The following FER variants were observed in gnomAD, a reference collection of about 807,000 sequenced individuals.
The protein encoded by FER is FER tyrosine kinase.
In FER, 63 loss-of-function variants were observed where a neutral mutation model predicts 111.0. That is an observed-to-expected ratio of 0.57 (90% CI 0.46 to 0.70). FER has a LOEUF of 0.70. FER is among the 30% of genes least tolerant of loss of function. The pLI is 0.00. For synonymous variants in FER, 327 were observed against 313.9 expected (o/e 1.04, Z -0.44); for missense variants, 914 against 954.0 (o/e 0.96, Z 0.55).
At chr5:108,837,224 A>T (rs1478452693) in intron 5 of FER, among the ~76,000 whole-genome samples, 1 of 152,172 alleles carries the variant, frequency 6.6e-6, no homozygotes, top group Non-Finnish European at 1.5e-5. Flanking sequence ...AGTGCTTTAG[A>T]TAACCAAGAA....
At chr5:109,018,416 A>G (rs1236577275) in intron 13 of FER, among the ~76,000 whole-genome samples, 1 of 151,876 alleles carries the variant, frequency 6.6e-6, no homozygotes, top group Admixed American at 6.6e-5. Context: ...TTGGGACTAC[A>G]CATGTAGAGA....
At chr5:109,113,388 A>C (rs1749857975) in intron 17 of FER, among the ~76,000 whole-genome samples, 1 of 152,274 alleles carries the variant, frequency 6.6e-6, no homozygotes, top group Admixed American at 6.5e-5. Context: ...CTAATTTTTT[A>C]AACAGTAAGA....
At chr5:108,931,089 A>AATC (rs1451473010) in intron 10 of FER, among the ~76,000 whole-genome samples, 2 of 152,180 alleles carry the variant, frequency 1.3e-5, no homozygotes, top group African/African-American at 2.4e-5. Context: ...TTGGCTTTCT[A>AATC]ATCTATAAAA....
At chr5:109,074,223 A>C (rs72792519) in intron 16 of FER, among the ~76,000 whole-genome samples, 1,547 of 152,280 alleles carry the variant, frequency 0.01, 18 homozygotes, top group Middle Eastern at 0.041. Context: ...AAATAAGGAA[A>C]CTGAAGCAAA....
At chr5:109,003,393 A>T (rs1005345475) in intron 13 of FER, among the ~76,000 whole-genome samples, 4 of 152,118 alleles carry the variant, frequency 2.6e-5, no homozygotes, top group Non-Finnish European at 5.9e-5. Context: ...GCATGTTCTC[A>T]CTCATAGGTG....
At chr5:108,758,295 G>A (rs1751340742) in intron 1 of FER, among the ~76,000 whole-genome samples, 1 of 152,156 alleles carries the variant, frequency 6.6e-6, no homozygotes. Flanking sequence ...GGGGAAAAGA[G>A]CAAACCTACC....
At chr5:108,749,183 C>A (rs576553303) in intron 1 of FER, among the ~76,000 whole-genome samples, 137 of 152,204 alleles carry the variant, frequency 9.0e-4, no homozygotes, top group African/African-American at 2.9e-3. Context: ...AGCGCCCCCC[C>A]CAACCCCCGT....
intron 3 of FER, among the ~76,000 whole-genome samples, chr5:108,828,358 A>G (rs142982188): frequency 1.3e-5 from 2 of 152,322 alleles, no homozygotes; most frequent in South Asian, 2.1e-4. Flanking sequence ...ATACTTCTTG[A>G]TACACAAACT....
At chr5:108,845,516 T>C (rs974097870) in intron 5 of FER, among the ~76,000 whole-genome samples, 1 of 152,034 alleles carries the variant, frequency 6.6e-6, no homozygotes, top group South Asian at 2.1e-4. Context: ...TTTCTTAGGA[T>C]TTTTTACTTA....
intron 17 of FER, among the ~76,000 whole-genome samples, chr5:109,123,956 G>T (rs1197320745): frequency 1.3e-5 from 2 of 152,084 alleles, no homozygotes; most frequent in Non-Finnish European, 2.9e-5. Flanking sequence ...AGAGCATGGC[G>T]CAGTGGCTCA....
chr5:108,880,652 C>T (rs902785403), intron 8 of FER, among the ~76,000 whole-genome samples: 73 of 152,054 alleles, frequency 4.8e-4, no homozygotes, highest in African/African-American at 1.6e-3. Flanking sequence ...AGCCAATTCT[C>T]TCAATAACTG....
chr5:109,014,063 C>A (rs1333226745), intron 13 of FER, among the ~76,000 whole-genome samples: 9 of 150,518 alleles, frequency 6.0e-5, no homozygotes, highest in Admixed American at 4.0e-4. Context: ...GTTTCTTTTG[C>A]TGTGCAGAAG....
At chr5:109,121,879 G>T (rs1188298591) in intron 17 of FER, among the ~76,000 whole-genome samples, 2 of 151,756 alleles carry the variant, frequency 1.3e-5, no homozygotes, top group African/African-American at 2.4e-5. Flanking sequence ...AAATGTATTG[G>T]CTTATAGTTC....
At chr5:108,856,604 G>A (rs559813761) in intron 5 of FER, among the ~76,000 whole-genome samples, 4 of 152,094 alleles carry the variant, frequency 2.6e-5, no homozygotes, top group East Asian at 1.9e-4. Context: ...TTTAATTTTC[G>A]TATCCAGTAT....
At chr5:108,844,224 A>G (rs762984333) in intron 5 of FER, among the ~76,000 whole-genome samples, 11 of 151,978 alleles carry the variant, frequency 7.2e-5, no homozygotes, top group Non-Finnish European at 1.6e-4. Context: ...TTGTAACATC[A>G]TAACATTTCC....
intron 16 of FER, chr5:109,052,211 T>C (rs1349237476): frequency 2.5e-6 from 4 of 1,607,772 alleles, no homozygotes; most frequent in Non-Finnish European, 3.4e-6. Context: ...GACACAAATA[T>C]GATCTGCAGG....
intron 13 of FER, among the ~76,000 whole-genome samples, chr5:109,014,629 G>A (rs1245086471): frequency 1.3e-5 from 2 of 152,120 alleles, no homozygotes; most frequent in African/African-American, 4.8e-5. Context: ...AAAGTCATTG[G>A]TAGCTTGATG....
intron 17 of FER, among the ~76,000 whole-genome samples, chr5:109,128,356 A>T (rs548164697): frequency 1.3e-5 from 2 of 152,288 alleles, no homozygotes; most frequent in East Asian, 3.9e-4. Flanking sequence ...AATATTTATG[A>T]CAACTTTCAA....
chr5:108,945,300 A>G (rs376872600), intron 10 of FER, among the ~76,000 whole-genome samples: 61 of 152,220 alleles, frequency 4.0e-4, no homozygotes, highest in African/African-American at 1.3e-3. Flanking sequence ...TTCCATTACA[A>G]AACCACACGT....
Sources: gnomAD v4.1 joint callset for allele counts (sites outside exome capture counted in the v4.1 genomes callset) on GRCh38, gnomAD v4.1.1 for gene constraint, MANE v1.5 for transcripts, NCBI Gene and HGNC (gene_info 2026-07-23, HGNC 2026-07-21) for gene names.